The following DMD variants were observed in gnomAD, a reference collection of about 807,000 sequenced individuals.
DMD encodes mutant dystrophin.
DMD carries 63 observed loss-of-function variants against 330.1 expected under a neutral mutation model. The observed-to-expected ratio is 0.19, with a 90% confidence interval of 0.16 to 0.24. The LOEUF is 0.24. Among genes scored for constraint, DMD ranks in the 10% least tolerant of loss-of-function variants. The probability of loss-of-function intolerance (pLI) is 1.00; values close to 1 mark genes in which losing one functional copy is unlikely to be tolerated. For missense variants in DMD, 3,344 were observed against 2,684.1 expected (o/e 1.25, Z -5.43); for synonymous variants, 1,223 against 959.8 (o/e 1.27, Z -5.07).
At chrX:33,218,954 T>C (rs938006484) in intron 1 of DMD, among the ~76,000 whole-genome samples, 3 of 111,623 alleles carry the variant, frequency 2.7e-5, no homozygotes, top group African/African-American at 9.8e-5. Flanking sequence ...TGTCGTTCTA[T>C]GTCTTCTATT....
At chrX:33,201,890 G>A (rs1050121630) in intron 1 of DMD, among the ~76,000 whole-genome samples, 3 of 112,207 alleles carry the variant, frequency 2.7e-5, no homozygotes, top group Non-Finnish European at 5.6e-5. Context: ...GCTAACTGTA[G>A]ATGATTACAA....
intron 60 of DMD, among the ~76,000 whole-genome samples, chrX:31,433,180 A>G (rs1248898678): frequency 8.9e-6 from 1 of 112,123 alleles, no homozygotes; most frequent in African/African-American, 3.2e-5. Flanking sequence ...TAATTCGCTT[A>G]GGATAATGAC....
chrX:31,128,722 A>T (rs781591942), intron 77 of DMD, among the ~76,000 whole-genome samples: 1 of 111,859 alleles, frequency 8.9e-6, no homozygotes, highest in East Asian at 2.8e-4. Flanking sequence ...ATATTTTATG[A>T]AAATGGACCT....
intron 34 of DMD, among the ~76,000 whole-genome samples, chrX:32,372,898 CT>C: frequency 9.1e-6 from 1 of 110,443 alleles, no homozygotes; most frequent in East Asian, 2.8e-4. Context: ...AAAATATATT[CT>C]TTTTTTCTGT....
chrX:32,311,493 T>C (rs2097562311), intron 41 of DMD, among the ~76,000 whole-genome samples: 1 of 111,596 alleles, frequency 9.0e-6, no homozygotes, highest in Non-Finnish European at 1.9e-5. Flanking sequence ...ATGAAGTAAT[T>C]CTAATTTAGA....
chrX:31,777,834 CCT>C (rs2090764524), intron 50 of DMD, among the ~76,000 whole-genome samples: 1 of 111,570 alleles, frequency 9.0e-6, no homozygotes, highest in African/African-American at 3.3e-5. Flanking sequence ...TTTTTTTCTT[CCT>C]CTTTTTCCTG....
intron 62 of DMD, among the ~76,000 whole-genome samples, chrX:31,310,818 G>T (rs2055457512): frequency 9.4e-6 from 1 of 106,828 alleles, no homozygotes; most frequent in Non-Finnish European, 1.9e-5. Flanking sequence ...ACCCCCCAAA[G>T]TGCTGGGATT....
In DMD at chrX:31,774,120, A is replaced by G; in HGVS notation, c.7382T>C (p.Met2461Thr). The change falls in exon 51 of 79, where the codon ATG (methionine) becomes ACG (threonine). Residue 2461 changes from methionine to threonine, a missense_variant. Met to Thr is a moderately conservative substitution (Grantham distance 81). Transcript: ENST00000357033. ...TKETAISKLE[M>T]PSSLMLEVPA... ...TACCTCCAACATCAAGGAAGATGGC[A>G]TTTCTAGTTTGGAGATGGCAGTTTC... The G allele has an allele frequency of 8.3e-7, 1 of 1,211,208 alleles. No individual in the cohort carries two copies. Among genetic ancestry groups the G allele is most frequent in the Non-Finnish European group, 1.1e-6 (1 of 895,207 alleles).
At chrX:32,679,902 C>CT (rs766270656) in intron 9 of DMD, among the ~76,000 whole-genome samples, 1,387 of 23,499 alleles carry the variant, frequency 0.059, 545 homozygotes, top group East Asian at 0.13. Flanking sequence ...AATATTTGTA[C>CT]TTTTTTTTTT....
intron 7 of DMD, among the ~76,000 whole-genome samples, chrX:32,783,715 G>A (rs1299493387): frequency 1.8e-5 from 2 of 110,892 alleles, no homozygotes; most frequent in Non-Finnish European, 3.8e-5. Context: ...GTAAACAGGA[G>A]GATGTGCATA....
intron 12 of DMD, among the ~76,000 whole-genome samples, chrX:32,603,076 G>A (rs1280065292): frequency 9.0e-6 from 1 of 110,993 alleles, no homozygotes; most frequent in Non-Finnish European, 1.9e-5. Flanking sequence ...ATTCTCATCT[G>A]CACGTGGATC....
At chrX:32,866,209 C>T (rs2082466623) in intron 2 of DMD, among the ~76,000 whole-genome samples, 1 of 112,037 alleles carries the variant, frequency 8.9e-6, no homozygotes, top group Non-Finnish European at 1.9e-5. Context: ...TTTCGCAGAG[C>T]TGAGCTGAGA....
intron 61 of DMD, among the ~76,000 whole-genome samples, chrX:31,340,118 T>C (rs1395128936): frequency 1.8e-5 from 2 of 112,365 alleles, no homozygotes; most frequent in South Asian, 3.7e-4. Flanking sequence ...CTAGGCCCTA[T>C]GTATCAAGGA....
chrX:33,140,855 C>A (rs1361214691), intron 1 of DMD, among the ~76,000 whole-genome samples: 1 of 111,782 alleles, frequency 8.9e-6, no homozygotes, highest in Non-Finnish European at 1.9e-5. Flanking sequence ...AAACAAAAAA[C>A]TAGCCGTGGC....
Position 32,120,967 on chromosome X carries a change from C to A in DMD, c.6438+95949G>T, listed in dbSNP as rs146132286. Among the ~76,000 whole-genome samples, 5 of 112,347 alleles carry A rather than the reference C, an allele frequency of 4.5e-5. No individual in the cohort carries two copies. In the East Asian group the frequency reaches 1.1e-3, roughly 25 times the overall value. ...TGGCTGCTCAAATCCCAATTGCAACCTGATTGAGGCATTATTAGTATTGGA... is the reference window on the plus strand; with the variant it reads ...TGGCTGCTCAAATCCCAATTGCAACATGATTGAGGCATTATTAGTATTGGA... On this transcript the variant is annotated intron_variant, in intron 44 of 78. Coordinates refer to ENST00000357033, the MANE Select transcript of DMD (RefSeq NM_004006.3).
intron 7 of DMD, among the ~76,000 whole-genome samples, chrX:32,746,609 G>C (rs182772747): frequency 8.9e-6 from 1 of 111,997 alleles, no homozygotes; most frequent in Admixed American, 9.5e-5. Context: ...AGGAGGTACA[G>C]AGTGATATTT....
intron 61 of DMD, among the ~76,000 whole-genome samples, chrX:31,345,827 T>A (rs755608324): frequency 1.1e-4 from 12 of 111,827 alleles, no homozygotes; most frequent in Non-Finnish European, 2.3e-4. Context: ...ATTGTGAAAC[T>A]GTGTCCAAAT....
chrX:32,044,186 G>A (rs1190614027), intron 44 of DMD, among the ~76,000 whole-genome samples: 3 of 110,540 alleles, frequency 2.7e-5, no homozygotes, highest in Non-Finnish European at 1.9e-5. Flanking sequence ...CAATGATTAT[G>A]TAAGGGTCCA....
chrX:31,286,934 T>A (rs1198915980), intron 62 of DMD, among the ~76,000 whole-genome samples: 1 of 111,698 alleles, frequency 9.0e-6, no homozygotes, highest in Non-Finnish European at 1.9e-5. Context: ...CCCGGCTAAG[T>A]TTTGTATTTT....
Sources: allele counts gnomAD v4.1 joint callset (sites outside exome capture counted in the v4.1 genomes callset), GRCh38; gene constraint gnomAD v4.1.1; transcripts MANE v1.5; gene names NCBI Gene and HGNC (gene_info 2026-07-23, HGNC 2026-07-21).